The following SYF2 variants were observed in gnomAD, a reference collection of about 807,000 sequenced individuals.
SYF2 encodes pre-mRNA-splicing factor SYF2.
In SYF2, 21 loss-of-function variants were observed where a neutral mutation model predicts 32.7. The ratio of observed to expected loss-of-function variants is 0.64; its 90% confidence interval spans 0.45 to 0.92. SYF2 has a LOEUF of 0.92. Ranked by LOEUF, SYF2 falls within the 40% of genes least tolerant of loss-of-function variation. The pLI, the probability that SYF2 is intolerant of heterozygous loss-of-function variation, is 0.00. For missense variants in SYF2, 278 were observed against 296.5 expected, an observed-to-expected ratio of 0.94 and a Z score of 0.46; for synonymous variants, 114 against 103.9, an observed-to-expected ratio of 1.10 and a Z score of -0.59.
chr1:25,232,317 C>G, intron 1 of SYF2, 106 bp from the exon 2 acceptor site: 1 of 1,586,320 alleles, frequency 6.3e-7, no homozygotes. Context: ...GGGCCTCCAC[C>G]GCCGACTTGA....
At chr1:25,228,798 CTG>C in intron 3 of SYF2, among the ~76,000 whole-genome samples, 198 bp downstream of exon 3, 1 of 152,294 alleles carries the variant, frequency 6.6e-6, no homozygotes, top group South Asian at 2.1e-4. Flanking sequence ...GTTACAGTCC[CTG>C]TTTTATTGAT....
At chr1:25,229,960 G>A (rs995545202) in intron 2 of SYF2, among the ~76,000 whole-genome samples, 8 of 152,122 alleles carry the variant, frequency 5.3e-5, no homozygotes, top group African/African-American at 1.9e-4. Context: ...GGGGTTACAA[G>A]CGTGTGCCAC....
At chr1:25,231,415 C>T (rs1447603915) in intron 2 of SYF2, 1 of 152,158 alleles carries the variant, frequency 6.6e-6, no homozygotes, top group Non-Finnish European at 1.5e-5. Context: ...TGAATTTGTT[C>T]CCTTTGCTTG....
chr1:25,232,108 A>G lies in SYF2; in HGVS notation c.128T>C (p.Met43Thr). Residue 43 changes from methionine to threonine, a missense_variant, in exon 2 of 7, where the codon ATG becomes ACG. By Grantham distance (81) the Met-to-Thr change is moderately conservative. Transcript: ENST00000236273. ...RLRKFRELHL[M>T]RNEARKLNHQ... Reference sequence around the variant, plus strand: ...CCGGCCTCCAAGACTACTCACCCGCATCAGGTGCAGCTCCCGGAATTTGCG... The same window carrying G: ...CCGGCCTCCAAGACTACTCACCCGCGTCAGGTGCAGCTCCCGGAATTTGCG... 1 of 1,613,728 alleles carries G rather than the reference A, an allele frequency of 6.2e-7. No homozygotes were observed. Among genetic ancestry groups the G allele is most frequent in the Non-Finnish European group, 8.5e-7 (1 of 1,179,904 alleles).
chr1:25,229,826 T>C (rs1392664361), intron 2 of SYF2, among the ~76,000 whole-genome samples: 3 of 151,864 alleles, frequency 2.0e-5, no homozygotes, highest in Non-Finnish European at 4.4e-5. Context: ...CTCTTTCTTT[T>C]TTTTTTTTGA....
chr1:25,227,819 C>CA (rs1329068301), intron 4 of SYF2, among the ~76,000 whole-genome samples: 1 of 152,176 alleles, frequency 6.6e-6, no homozygotes, highest in African/African-American at 2.4e-5. Flanking sequence ...TAGGGATACT[C>CA]AATCTGTGTG....
chr1:25,223,753 T>C (rs1311873503), intron 6 of SYF2, among the ~76,000 whole-genome samples: 2 of 152,150 alleles, frequency 1.3e-5, no homozygotes, highest in African/African-American at 4.8e-5. Flanking sequence ...CCCACTACTT[T>C]TGGAGGACAA....
chr1:25,232,472 A>G lies in SYF2; in HGVS notation c.-5T>C, dbSNP rs993418688. On this transcript the variant is annotated 5_prime_UTR_variant, in exon 1 of 7. Transcript: ENST00000236273. ...GGATGCAGCTATAGCCGCCATCACA[A>G]CCTTTCTCTCTTCCCACTTCCGGCA... 1.4e-5 allele frequency: 23 copies of G among 1,614,012 alleles called. No individual in the cohort carries two copies. The highest frequency in any genetic ancestry group is 1.9e-5 in the Non-Finnish European group (22 of 1,179,994).
intron 2 of SYF2, chr1:25,230,262 G>C (rs1302075144): frequency 1.3e-5 from 2 of 151,756 alleles, no homozygotes; most frequent in Non-Finnish European, 2.9e-5. Context: ...AAAAATGAAA[G>C]GAATTTTCCA....
intron 3 of SYF2, among the ~76,000 whole-genome samples, chr1:25,228,702 TTGAG>T (rs1417191858): frequency 3.3e-4 from 50 of 152,382 alleles, no homozygotes; most frequent in African/African-American, 9.1e-4. Flanking sequence ...ATGATACTTA[TTGAG>T]TGTTTATCAG....
chr1:25,229,008 T>G lies in SYF2; in HGVS notation c.248A>C (p.Glu83Ala). 6.2e-7 allele frequency: 1 copy of G among 1,612,526 alleles called. No individual in the cohort carries two copies. The highest frequency in any genetic ancestry group is 8.5e-7 in the Non-Finnish European group (1 of 1,179,700). The change falls in exon 3 of 7, where the codon GAA becomes GCA. Residue 83 changes from glutamate to alanine, a missense_variant. Glu to Ala is a moderately radical substitution (Grantham distance 107). Coordinates refer to ENST00000236273, the MANE Select transcript of SYF2 (RefSeq NM_015484.5). ...AGAATAGTTCCTAACCTTTTTCTTT[T>G]CCTCTTCCTTTAGTTCCCACTCCAA... is the stretch of plus-strand genomic sequence containing the variant. ...ARLEWELKEE[E>A]KKKECAARGE...
intron 6 of SYF2, among the ~76,000 whole-genome samples, chr1:25,223,846 C>T (rs1638454198): frequency 6.6e-6 from 1 of 151,990 alleles, no homozygotes; most frequent in Non-Finnish European, 1.5e-5. Flanking sequence ...AAGACTCCAT[C>T]ACTATAAAAA....
chr1:25,229,224 C>G (rs1638579461), intron 2 of SYF2, 101 bp from the exon 3 acceptor site: 7 of 1,385,062 alleles, frequency 5.1e-6, no homozygotes, highest in South Asian at 1.4e-5. Context: ...TATTAATAAG[C>G]TGACCCCATT....
chr1:25,229,822 C>CTT (rs912726470), intron 2 of SYF2, among the ~76,000 whole-genome samples: 1 of 141,666 alleles, frequency 7.1e-6, no homozygotes, highest in Admixed American at 7.1e-5. Context: ...GACACTCTTT[C>CTT]TTTTTTTTTT....
intron 2 of SYF2, chr1:25,230,219 T>G (rs1171834317): frequency 6.6e-6 from 1 of 152,172 alleles, no homozygotes; most frequent in African/African-American, 2.4e-5. Context: ...TTCCCCTCCT[T>G]TTAAATATTT....
At chr1:25,226,532 G>A (rs763561301) in intron 5 of SYF2, among the ~76,000 whole-genome samples, 2 of 152,186 alleles carry the variant, frequency 1.3e-5, no homozygotes, top group Non-Finnish European at 2.9e-5. Flanking sequence ...ACCAACCCCA[G>A]CACTAAAGCA....
intron 5 of SYF2, 63 bp downstream of exon 5, chr1:25,227,379 A>C: frequency 1.6e-6 from 2 of 1,254,616 alleles, no homozygotes; most frequent in Non-Finnish European, 2.3e-6. Context: ...CTATTTATGT[A>C]CATGTATACA....
intron 5 of SYF2, 45 bp from the exon 6 acceptor site, chr1:25,225,145 C>A: frequency 7.8e-7 from 1 of 1,285,572 alleles, no homozygotes; most frequent in Non-Finnish European, 1.1e-6. Context: ...TATAAATGCT[C>A]CATTTTCAAA....
Position 25,231,632 on chromosome 1 carries a change from TTC to T in SYF2, c.132+470_132+471del, listed in dbSNP as rs1199266349. The T allele has an allele frequency of 1.2e-5, 2 of 165,602 alleles. 1 individual carries two copies. Among genetic ancestry groups the T allele is most frequent in the Admixed American group, 1.2e-4 (2 of 16,776 alleles). The allele number at this position is 165,602 out of a possible 1,614,324, so 10.3% of individuals were successfully genotyped here. Reference sequence around the variant, plus strand: ...TCAAAAGTTTGCCATTTTTTTTATTTTCTTTTTATTCTTTTCCCCCAGAAGTC... The same window carrying T: ...TCAAAAGTTTGCCATTTTTTTTATTTTTTTTATTCTTTTCCCCCAGAAGTC... On this transcript the variant is annotated intron_variant, in intron 2 of 6. Transcript: ENST00000236273.
Sources: allele counts gnomAD v4.1 joint callset (sites outside exome capture counted in the v4.1 genomes callset), GRCh38; gene constraint gnomAD v4.1.1; transcripts MANE v1.5; gene names NCBI Gene and HGNC (gene_info 2026-07-23, HGNC 2026-07-21).